The following SVOPL variants were observed in gnomAD, a reference collection of about 807,000 sequenced individuals.
SVOPL encodes the protein SVOP like.
A neutral mutation model predicts 61.0 loss-of-function variants in SVOPL; 60 were observed. The observed-to-expected ratio is 0.98, with a 90% CI of 0.80 to 1.22. SVOPL has a LOEUF of 1.22. SVOPL is among the 50% of genes most tolerant of loss of function. The pLI is 0.00. For missense variants in SVOPL, 662 were observed against 643.9 expected, an observed-to-expected ratio of 1.03 and a Z score of -0.30; for synonymous variants, 279 against 250.0, an observed-to-expected ratio of 1.12 and a Z score of -1.09.
chr7:138,635,596 T>A (rs1244252487), intron 9 of SVOPL, among the ~76,000 whole-genome samples: 2 of 151,988 alleles, frequency 1.3e-5, no homozygotes, highest in Non-Finnish European at 2.9e-5. Context: ...ACTCCAAGAA[T>A]AAATGTCCTG....
At chr7:138,596,188 T>TAAAAAAAAAAAAA (rs34972084) in intron 15 of SVOPL, among the ~76,000 whole-genome samples, 1 of 120,346 alleles carries the variant, frequency 8.3e-6, no homozygotes, top group East Asian at 2.6e-4. Context: ...GACTCTGTCT[T>TAAAAAAAAAAAAA]AAAAAAAAAA....
chr7:138,673,259 T>A (rs1302643118), intron 3 of SVOPL, among the ~76,000 whole-genome samples: 1 of 152,188 alleles, frequency 6.6e-6, no homozygotes, highest in Non-Finnish European at 1.5e-5. Flanking sequence ...ACACATATTA[T>A]AGTGACTTGT....
Position 138,594,427 on chromosome 7 carries a change from T to C in SVOPL, c.*183A>G, listed in dbSNP as rs1584758379. The C allele has an allele frequency of 2.5e-6, 1 of 406,278 alleles. No homozygotes were observed. The highest frequency in any genetic ancestry group is 4.4e-6 in the Non-Finnish European group (1 of 229,092). 25.2% of individuals were successfully genotyped at this position (406,278 alleles called of 1,614,324 possible). On this transcript the variant is annotated 3_prime_UTR_variant, in exon 16 of 16. Coordinates refer to ENST00000674285, the MANE Select transcript of SVOPL (RefSeq NM_001139456.2). ...TTTTATAAAAGTACTTTATATATTG[T>C]TCCTCAAGGAAGAGATCAATATACA...
chr7:138,641,826 A>ATATATATATATATAT, intron 9 of SVOPL, among the ~76,000 whole-genome samples: 1 of 140,370 alleles, frequency 7.1e-6, no homozygotes, highest in Admixed American at 7.3e-5. Context: ...ATATATATAT[A>ATATATATATATATAT]TATATATAAC....
intron 14 of SVOPL, among the ~76,000 whole-genome samples, chr7:138,611,852 G>GA (rs1799025558): frequency 2.9e-5 from 2 of 68,410 alleles, no homozygotes; most frequent in Non-Finnish European, 5.9e-5. Context: ...CCAAAGTGCC[G>GA]AGATTGCAGC....
At chr7:138,674,183 G>A (rs953680946) in intron 3 of SVOPL, among the ~76,000 whole-genome samples, 15 of 140,922 alleles carry the variant, frequency 1.1e-4, no homozygotes, top group Non-Finnish European at 6.1e-5. Flanking sequence ...ACAAGACTTC[G>A]TCTCCCAGAA....
In SVOPL at chr7:138,664,312, C is replaced by A. The variant is rs1323522832; in HGVS notation, c.274-1167G>T. 3 of 868,718 alleles carry A rather than the reference C, an allele frequency of 3.5e-6. No individual in the cohort carries two copies. In the African/African-American group the frequency reaches 5.6e-5, roughly 16 times the overall value. The allele number at this position is 868,718 out of a possible 1,614,324, so 53.8% of individuals were successfully genotyped here. A position where few individuals can be genotyped will look rare whatever the true frequency, so the allele number is the denominator to read the frequency against. On this transcript the variant is annotated intron_variant, in intron 4 of 15. Coordinates refer to ENST00000674285, the MANE Select transcript of SVOPL (RefSeq NM_001139456.2). ...GCACGCGCCTAACCCTCCAGCACCC[C>A]TAATCCTCCATCGGACACACCCCTG...
At chr7:138,672,332 G>C (rs1457542781) in intron 3 of SVOPL, among the ~76,000 whole-genome samples, 1 of 152,132 alleles carries the variant, frequency 6.6e-6, no homozygotes, top group Non-Finnish European at 1.5e-5. Context: ...AACAACTTGA[G>C]AGAGTTCCCA....
intron 14 of SVOPL, among the ~76,000 whole-genome samples, chr7:138,614,656 A>G (rs975367305): frequency 6.6e-6 from 1 of 152,044 alleles, no homozygotes; most frequent in Admixed American, 6.6e-5. Context: ...TCAGCCTCCC[A>G]AAGTGTTAGG....
intron 6 of SVOPL, among the ~76,000 whole-genome samples, chr7:138,657,839 C>T (rs566834652): frequency 6.6e-6 from 1 of 152,240 alleles, no homozygotes; most frequent in South Asian, 2.1e-4. Flanking sequence ...CTCCAAGGCA[C>T]CAAGAAGAGA....
intron 7 of SVOPL, among the ~76,000 whole-genome samples, chr7:138,650,883 T>A (rs71541401): frequency 0.041 from 5,876 of 142,240 alleles, 163 homozygotes; most frequent in Middle Eastern, 0.14. Context: ...TCCTACTGCT[T>A]TATTTATTGC....
intron 9 of SVOPL, among the ~76,000 whole-genome samples, chr7:138,632,886 T>C (rs1259036685): frequency 6.6e-6 from 1 of 152,218 alleles, no homozygotes; most frequent in Non-Finnish European, 1.5e-5. Context: ...CAGCTATCCG[T>C]GGTTTTGAGT....
chr7:138,691,708 T>C (rs1287488949), intron 1 of SVOPL, among the ~76,000 whole-genome samples: 16 of 147,774 alleles, frequency 1.1e-4, no homozygotes, highest in East Asian at 4.0e-4. Context: ...ACCCAGCTAA[T>C]TTTTGTATTT....
chr7:138,602,134 A>G (rs1313179160), intron 14 of SVOPL, among the ~76,000 whole-genome samples: 1 of 152,064 alleles, frequency 6.6e-6, no homozygotes, highest in African/African-American at 2.4e-5. Flanking sequence ...CTTGAGCCCA[A>G]AGTTTGAGGC....
intron 14 of SVOPL, among the ~76,000 whole-genome samples, chr7:138,615,130 T>A (rs570578919): frequency 6.6e-6 from 1 of 152,318 alleles, no homozygotes; most frequent in South Asian, 2.1e-4. Context: ...TGTTATGGAC[T>A]GGGTGCTTTT....
chr7:138,666,470 C>A (rs1054253628), intron 4 of SVOPL, among the ~76,000 whole-genome samples: 3 of 152,182 alleles, frequency 2.0e-5, no homozygotes, highest in Admixed American at 1.3e-4. Context: ...CTAAGACGGG[C>A]CCCAAGGTTA....
chr7:138,614,392 CTTTTT>C lies in SVOPL; in HGVS notation c.1353+6649_1353+6653del, dbSNP rs528123598. On this transcript the variant is annotated intron_variant, in intron 14 of 15. Coordinates refer to ENST00000674285, the MANE Select transcript of SVOPL (RefSeq NM_001139456.2). ...CCGCTGAATTTTGGCAGCATTTCAACTTTTTTTTTTTTTTTTTTTTTGAGACAGAG... is the reference window on the plus strand; with the variant it reads ...CCGCTGAATTTTGGCAGCATTTCAACTTTTTTTTTTTTTTTTGAGACAGAG... Among the ~76,000 whole-genome samples the C allele has an allele frequency of 1.9e-3, 258 of 137,898 alleles. 2 individuals carry two copies. Among genetic ancestry groups the C allele is most frequent in the African/African-American group, 4.8e-3 (181 of 37,380 alleles). The allele number at this position is 137,898 out of a possible 152,430, so 90.5% of individuals were successfully genotyped here. A position where few individuals can be genotyped will look rare whatever the true frequency, so the allele number is the denominator to read the frequency against.
Position 138,630,055 on chromosome 7 carries a change from A to G in SVOPL, c.857T>C (p.Val286Ala). The G allele has an allele frequency of 6.2e-7, 1 of 1,613,200 alleles. No individual in the cohort carries two copies. The highest frequency in any genetic ancestry group is 8.5e-7 in the Non-Finnish European group (1 of 1,179,254). Residue 286 changes from valine to alanine, a missense_variant, in exon 10 of 16, where the codon GTC (valine) becomes GCC (alanine). Physicochemically the swap from Val to Ala is moderately conservative, Grantham distance 64 (BLOSUM62 0). Transcript: ENST00000674285. ...KYLRTTLQIWVIWLGISFAYY... is the reference protein window; with the variant it reads ...KYLRTTLQIWAIWLGISFAYY... ...GAAATCATTACACTCTTACCATATGACCCAGATCTGTAATGTGGTCCGTAA... is the reference window on the plus strand; with the variant it reads ...GAAATCATTACACTCTTACCATATGGCCCAGATCTGTAATGTGGTCCGTAA...
At chr7:138,689,116 A>C (rs1452414648) in intron 1 of SVOPL, 14 of 806,382 alleles carry the variant, frequency 1.7e-5, no homozygotes, top group Non-Finnish European at 4.4e-6. Context: ...AAAGCCACGA[A>C]GTATCTGAAA....
Sources: gnomAD v4.1 joint callset for allele counts (sites outside exome capture counted in the v4.1 genomes callset) on GRCh38, gnomAD v4.1.1 for gene constraint, MANE v1.5 for transcripts, NCBI Gene and HGNC (gene_info 2026-07-23, HGNC 2026-07-21) for gene names.